The following USP32 variants were observed in gnomAD, a reference collection of about 807,000 sequenced individuals.
The protein encoded by USP32 is ubiquitin specific peptidase 32.
A neutral mutation model predicts 204.8 loss-of-function variants in USP32; 59 were observed. The observed-to-expected ratio is 0.29, with a 90% CI of 0.23 to 0.36. The LOEUF (loss-of-function observed/expected upper bound fraction) is 0.36. Among genes scored for constraint, USP32 ranks in the 10% least tolerant of loss-of-function variants. The pLI is 1.00. For missense variants in USP32, 1,160 were observed against 1,946.4 expected, an observed-to-expected ratio of 0.60 and a Z score of 7.60; for synonymous variants, 517 against 678.4, an observed-to-expected ratio of 0.76 and a Z score of 3.70.
intron 2 of USP32, among the ~76,000 whole-genome samples, chr17:60,341,017 T>C (rs2145991769): frequency 6.6e-6 from 1 of 152,290 alleles, no homozygotes; most frequent in Middle Eastern, 3.4e-3. Flanking sequence ...TTCTGGCTTG[T>C]AGGGCTTTTG....
intron 4 of USP32, among the ~76,000 whole-genome samples, chr17:60,293,955 A>G (rs2087354178): frequency 6.6e-6 from 1 of 152,236 alleles, no homozygotes; most frequent in Non-Finnish European, 1.5e-5. Context: ...TGAAAAGAAA[A>G]ATAAAATAAT....
At chr17:60,349,597 ATATATATATATATATAT>A (rs1267854473) in intron 1 of USP32, among the ~76,000 whole-genome samples, 3 of 38,554 alleles carry the variant, frequency 7.8e-5, no homozygotes, top group Non-Finnish European at 9.0e-5. Flanking sequence ...AAAAAAAAAA[ATATATATATATATATAT>A]ATATATATAT....
rs750095402 is a variant in USP32 at position 60,255,278 on chromosome 17, G to A, written c.991-20C>T. The A allele has an allele frequency of 1.5e-6, 2 of 1,347,258 alleles. No individual in the cohort carries two copies. The highest frequency in any genetic ancestry group is 2.5e-5 in the South Asian group (2 of 79,706). 83.5% of individuals were successfully genotyped at this position (1,347,258 alleles called of 1,614,324 possible). On this transcript the variant is annotated intron_variant, in intron 9 of 33. Coordinates refer to ENST00000300896, the MANE Select transcript of USP32 (RefSeq NM_032582.4). ...ACCCATCTGAAACAGAGACACTCAT[G>A]TTAGGAACATCTTTTTTTTCTTTTT...
Position 60,352,829 on chromosome 17 carries a change from A to C in USP32, c.59-7221T>G, listed in dbSNP as rs186115032. 2.1e-4 allele frequency among the ~76,000 whole-genome samples: 32 copies of C among 152,300 alleles called. No individual in the cohort carries two copies. The South Asian group carries it at 3.9e-3, about 19-fold the overall frequency. ...GATTACAGGCCTAAGGCATAAAGTA[A>C]AAAGGGAGGTAAGAAGGCAGATTCA... is the stretch of plus-strand genomic sequence containing the variant. On this transcript the variant is annotated intron_variant, in intron 1 of 33. Transcript: ENST00000300896.
intron 1 of USP32, among the ~76,000 whole-genome samples, chr17:60,369,058 G>A (rs1168781845): frequency 2.2e-5 from 3 of 136,678 alleles, no homozygotes; most frequent in Non-Finnish European, 4.5e-5. Context: ...GCAGTGGCGG[G>A]ATCTCGGCTC....
At chr17:60,390,584 A>T (rs1338762702) in intron 1 of USP32, among the ~76,000 whole-genome samples, 1 of 152,224 alleles carries the variant, frequency 6.6e-6, no homozygotes, top group Non-Finnish European at 1.5e-5. Context: ...TTATTCTGGT[A>T]AATCCACCAC....
intron 2 of USP32, among the ~76,000 whole-genome samples, chr17:60,324,119 A>G (rs1403475186): frequency 6.6e-6 from 1 of 152,042 alleles, no homozygotes; most frequent in Non-Finnish European, 1.5e-5. Flanking sequence ...TGTCTCTACA[A>G]AAACATTTTT....
chr17:60,196,414 C>T (rs1490663695), intron 27 of USP32, among the ~76,000 whole-genome samples: 2 of 152,220 alleles, frequency 1.3e-5, no homozygotes, highest in African/African-American at 4.8e-5. Flanking sequence ...TCTTGTCCAA[C>T]TTTCATCTTT....
intron 1 of USP32, among the ~76,000 whole-genome samples, chr17:60,359,401 A>G (rs1158058600): frequency 6.6e-6 from 1 of 152,240 alleles, no homozygotes; most frequent in Non-Finnish European, 1.5e-5. Context: ...GGATAAAGAC[A>G]GAATTTTTTA....
chr17:60,232,429 T>A lies in USP32; in HGVS notation c.1239+3709A>T, dbSNP rs577632424. On this transcript the variant is annotated intron_variant, in intron 12 of 33. Coordinates refer to ENST00000300896, the MANE Select transcript of USP32 (RefSeq NM_032582.4). Reference sequence around the variant, plus strand: ...CTCAAGTGATCTGCCTGCCTCAGCCTCCCAAAGAGCTGGGATTGCAGGTGT... The same window carrying A: ...CTCAAGTGATCTGCCTGCCTCAGCCACCCAAAGAGCTGGGATTGCAGGTGT... Among the ~76,000 whole-genome samples the A allele has an allele frequency of 8.0e-5, 12 of 149,948 alleles. No individual in the cohort carries two copies. The East Asian group carries it at 2.0e-3, about 24-fold the overall frequency.
At chr17:60,273,961 C>CAAAAA (rs35639109) in intron 5 of USP32, among the ~76,000 whole-genome samples, 2 of 42,274 alleles carry the variant, frequency 4.7e-5, no homozygotes, top group Admixed American at 2.5e-4. Flanking sequence ...GACTCAGTCT[C>CAAAAA]AAAAAAAAAA....
intron 1 of USP32, among the ~76,000 whole-genome samples, chr17:60,399,921 C>T (rs1598317495): frequency 3.9e-5 from 6 of 152,036 alleles, no homozygotes; most frequent in African/African-American, 1.2e-4. Flanking sequence ...GGCTCTTGCT[C>T]GTAAAATCAG....
In USP32 at chr17:60,214,533, C is replaced by G. The variant is rs541914593; in HGVS notation, c.2022+87G>C. The G allele has an allele frequency of 2.1e-5, 26 of 1,254,850 alleles. No homozygotes were observed. The East Asian group carries it at 5.8e-4, about 28-fold the overall frequency. The allele number at this position is 1,254,850 out of a possible 1,614,324, so 77.7% of individuals were successfully genotyped here. ...CATATGTACTAAAATTGGAACAATA[C>G]AAAGAAGTTTAGCAAATTTCTTTTA... On this transcript the variant is annotated intron_variant, in intron 17 of 33. Transcript: ENST00000300896.
At chr17:60,270,284 C>T (rs1353232990) in intron 6 of USP32, among the ~76,000 whole-genome samples, 1 of 152,094 alleles carries the variant, frequency 6.6e-6, no homozygotes, top group Non-Finnish European at 1.5e-5. Context: ...CCCTATCTGC[C>T]CTGGCTCCCC....
chr17:60,213,944 TG>T (rs1281725902), intron 17 of USP32, among the ~76,000 whole-genome samples: 6 of 151,720 alleles, frequency 4.0e-5, no homozygotes, highest in African/African-American at 1.5e-4. Flanking sequence ...TTTTGTTTTT[TG>T]TTTTTTTTTT....
At chr17:60,265,344 A>G in intron 9 of USP32, 68 bp downstream of exon 9, 1 of 1,104,194 alleles carries the variant, frequency 9.1e-7, no homozygotes, top group Non-Finnish European at 1.3e-6. Flanking sequence ...CATGTATATA[A>G]GCGATACATC....
rs190600545 is a variant in USP32, at chr17:60,307,876, T to G, written c.187-6172A>C. On this transcript the variant is annotated intron_variant, in intron 2 of 33. Transcript: ENST00000300896. ...AATTGGCTGGACGTTGAGAGGAACA[T>G]ATCAGCAGAAGAACGCACAAGTGGC... Among the ~76,000 whole-genome samples the G allele has an allele frequency of 1.1e-4, 17 of 152,146 alleles. No individual in the cohort carries two copies. The East Asian group carries it at 1.9e-3, about 17-fold the overall frequency.
intron 1 of USP32, among the ~76,000 whole-genome samples, chr17:60,413,807 G>A (rs1387841906): frequency 2.7e-5 from 4 of 145,942 alleles, no homozygotes; most frequent in Admixed American, 6.9e-5. Context: ...GGAGGTTGCA[G>A]TGAGCTGAGA....
At chr17:60,312,037 G>A (rs1295208116) in intron 2 of USP32, among the ~76,000 whole-genome samples, 3 of 152,198 alleles carry the variant, frequency 2.0e-5, no homozygotes, top group Non-Finnish European at 4.4e-5. Context: ...TGACATTGAA[G>A]CCAGGCTTTA....
Sources: allele counts gnomAD v4.1 joint callset (sites outside exome capture counted in the v4.1 genomes callset), GRCh38; gene constraint gnomAD v4.1.1; transcripts MANE v1.5; gene names NCBI Gene and HGNC (gene_info 2026-07-23, HGNC 2026-07-21).